The following CACNB2 variants were observed in gnomAD, a reference collection of about 807,000 sequenced individuals.
The protein encoded by CACNB2 is calcium voltage-gated channel auxiliary subunit beta 2.
CACNB2 carries 42 observed loss-of-function variants against 73.3 expected under a neutral mutation model. That is an observed-to-expected ratio of 0.57 (90% CI 0.45 to 0.74). The LOEUF is 0.74. Among genes scored for constraint, CACNB2 ranks in the 30% least tolerant of loss-of-function variants. CACNB2 has a pLI of 0.00. For synonymous variants in CACNB2, 348 were observed against 310.3 expected (o/e 1.12, Z -1.28); for missense variants, 940 against 853.0 (o/e 1.10, Z -1.27).
At chr10:18,535,207 T>C (rs527442527) in intron 11 of CACNB2, among the ~76,000 whole-genome samples, 4 of 152,236 alleles carry the variant, frequency 2.6e-5, no homozygotes, top group East Asian at 1.9e-4. Context: ...AGTAAGAAAA[T>C]TGCACTGCAG....
intron 2 of CACNB2, among the ~76,000 whole-genome samples, chr10:18,262,240 T>A (rs921046895): frequency 9.5e-5 from 14 of 146,704 alleles, no homozygotes; most frequent in Admixed American, 8.5e-4. Flanking sequence ...AGAAAAGAGA[T>A]ATATGTGAGA....
intron 3 of CACNB2, among the ~76,000 whole-genome samples, chr10:18,476,127 G>C (rs2048427856): frequency 6.6e-6 from 1 of 152,202 alleles, no homozygotes; most frequent in African/African-American, 2.4e-5. Flanking sequence ...GGTGTGGGCA[G>C]TTCCTGAAAC....
At chr10:18,499,045 C>T (rs1273916719) in intron 4 of CACNB2, among the ~76,000 whole-genome samples, 1 of 152,184 alleles carries the variant, frequency 6.6e-6, no homozygotes, top group Non-Finnish European at 1.5e-5. Context: ...TGAGCAATGA[C>T]ACAACCTGCA....
chr10:18,201,082 T>G (rs1393356285), intron 2 of CACNB2, among the ~76,000 whole-genome samples: 1 of 152,054 alleles, frequency 6.6e-6, no homozygotes. Flanking sequence ...TCTAGGAGAG[T>G]TATATGTTTG....
At chr10:18,307,481 C>A (rs770653743) in intron 2 of CACNB2, among the ~76,000 whole-genome samples, 1 of 152,074 alleles carries the variant, frequency 6.6e-6, no homozygotes, top group African/African-American at 2.4e-5. Flanking sequence ...AATATAAATG[C>A]GATGCTTTTT....
intron 2 of CACNB2, among the ~76,000 whole-genome samples, chr10:18,276,078 C>G (rs1364129139): frequency 6.6e-6 from 1 of 152,112 alleles, no homozygotes; most frequent in Non-Finnish European, 1.5e-5. Flanking sequence ...CAAATAATAA[C>G]TAATCAATAA....
intron 2 of CACNB2, among the ~76,000 whole-genome samples, chr10:18,364,243 G>A (rs562254222): frequency 1.3e-5 from 1 of 76,530 alleles, no homozygotes; most frequent in South Asian, 4.1e-4. Flanking sequence ...CATGAGCCGC[G>A]GTGCCTGCCT....
At chr10:18,354,600 G>A (rs2041838491) in intron 2 of CACNB2, among the ~76,000 whole-genome samples, 1 of 152,156 alleles carries the variant, frequency 6.6e-6, no homozygotes, top group Admixed American at 6.5e-5. Context: ...TTTTGTTGTT[G>A]TTGTTGCTGT....
At chr10:18,392,836 T>A (rs1339564055) in intron 2 of CACNB2, among the ~76,000 whole-genome samples, 1 of 152,172 alleles carries the variant, frequency 6.6e-6, no homozygotes, top group Non-Finnish European at 1.5e-5. Flanking sequence ...CCACTATTTT[T>A]CTGCTCCCTG....
At chr10:18,305,790 A>AT (rs1255229535) in intron 2 of CACNB2, among the ~76,000 whole-genome samples, 1 of 152,128 alleles carries the variant, frequency 6.6e-6, no homozygotes, top group African/African-American at 2.4e-5. Flanking sequence ...GACCCCAGGT[A>AT]TAGGGGGAGA....
chr10:18,305,619 A>G (rs2039698365), intron 2 of CACNB2, among the ~76,000 whole-genome samples: 1 of 152,154 alleles, frequency 6.6e-6, no homozygotes, highest in Admixed American at 6.5e-5. Flanking sequence ...TCCTTATTCC[A>G]TAGCTGGTGT....
intron 3 of CACNB2, among the ~76,000 whole-genome samples, chr10:18,453,340 T>A (rs1406807945): frequency 1.3e-5 from 2 of 152,364 alleles, no homozygotes; most frequent in East Asian, 3.9e-4. Flanking sequence ...AACTAGCTCG[T>A]GTCAGCCTGA....
intron 2 of CACNB2, among the ~76,000 whole-genome samples, chr10:18,326,107 T>G (rs1189567284): frequency 1.3e-5 from 2 of 152,126 alleles, no homozygotes; most frequent in African/African-American, 4.8e-5. Context: ...TTGTCTTCTA[T>G]TTTCAAGATA....
At chr10:18,468,804 G>T (rs1295352861) in intron 3 of CACNB2, among the ~76,000 whole-genome samples, 4 of 152,056 alleles carry the variant, frequency 2.6e-5, no homozygotes, top group Non-Finnish European at 5.9e-5. Context: ...TCTGCATGTT[G>T]GTCAGGCTGG....
At chr10:18,141,093 G>A (rs1295420585) in intron 1 of CACNB2, 1 of 1,548,936 alleles carries the variant, frequency 6.5e-7, no homozygotes, top group Admixed American at 2.0e-5. Flanking sequence ...GGAAGGGCGG[G>A]GGAGACCTGC....
chr10:18,476,433 A>G (rs867687840), intron 3 of CACNB2, among the ~76,000 whole-genome samples: 2 of 152,132 alleles, frequency 1.3e-5, no homozygotes, highest in South Asian at 2.1e-4. Context: ...CCGGTTACAG[A>G]ATTTTGTGGG....
intron 2 of CACNB2, among the ~76,000 whole-genome samples, chr10:18,158,578 A>G (rs925407962): frequency 5.9e-5 from 9 of 152,202 alleles, no homozygotes; most frequent in African/African-American, 2.2e-4. Flanking sequence ...TGGAAAAGCT[A>G]TAATTCTTAA....
At chr10:18,246,009 C>T (rs1417940936) in intron 2 of CACNB2, among the ~76,000 whole-genome samples, 1 of 152,138 alleles carries the variant, frequency 6.6e-6, no homozygotes, top group Non-Finnish European at 1.5e-5. Flanking sequence ...ATTCTGTTGG[C>T]TCTTCTACTC....
At chr10:18,158,517 T>C (rs190377028) in intron 2 of CACNB2, among the ~76,000 whole-genome samples, 60 of 152,318 alleles carry the variant, frequency 3.9e-4, no homozygotes, top group Admixed American at 7.2e-4. Context: ...TGGCTATGGG[T>C]TGAGAACAGA....
Sources: allele counts gnomAD v4.1 joint callset (sites outside exome capture counted in the v4.1 genomes callset), GRCh38; gene constraint gnomAD v4.1.1; transcripts MANE v1.5; gene names NCBI Gene and HGNC (gene_info 2026-07-23, HGNC 2026-07-21).